Variants in MARCHF1 observed in about 807,000 individuals in gnomAD.
MARCHF1 encodes the protein membrane associated ring-CH-type finger 1.
In MARCHF1, 40 loss-of-function variants were observed where a neutral mutation model predicts 54.2. The observed-to-expected ratio is 0.74, with a 90% CI of 0.57 to 0.96. The LOEUF (loss-of-function observed/expected upper bound fraction) is 0.96. Ranked by LOEUF, MARCHF1 falls within the 40% of genes least tolerant of loss-of-function variation. The pLI is 0.00. For synonymous variants in MARCHF1, 236 were observed against 236.3 expected (o/e 1.00, Z 0.01); for missense variants, 586 against 656.5 (o/e 0.89, Z 1.17).
At chr4:163,593,235 C>A (rs1373781846) in intron 7 of MARCHF1, among the ~76,000 whole-genome samples, 1 of 152,116 alleles carries the variant, frequency 6.6e-6, no homozygotes. Context: ...CATAAATATT[C>A]ATTTTATATC....
chr4:164,371,131 T>C (rs1189085189), intron 1 of MARCHF1, among the ~76,000 whole-genome samples: 1 of 152,056 alleles, frequency 6.6e-6, no homozygotes, highest in African/African-American at 2.4e-5. Flanking sequence ...TATAAATATA[T>C]GGCACCTAGA....
intron 4 of MARCHF1, among the ~76,000 whole-genome samples, chr4:163,752,935 T>A (rs958374674): frequency 3.9e-5 from 6 of 152,140 alleles, no homozygotes; most frequent in Non-Finnish European, 5.9e-5. Context: ...GCAAAATAAA[T>A]TTTCATTGCC....
chr4:164,179,333 A>G (rs1560941648), intron 1 of MARCHF1, among the ~76,000 whole-genome samples: 1 of 152,182 alleles, frequency 6.6e-6, no homozygotes, highest in Admixed American at 6.6e-5. Context: ...ACCATTTGTC[A>G]CTAGCTCTGT....
chr4:163,858,630 T>A (rs1412574810), intron 3 of MARCHF1, among the ~76,000 whole-genome samples: 1 of 152,194 alleles, frequency 6.6e-6, no homozygotes, highest in East Asian at 1.9e-4. Context: ...TAAATAATAA[T>A]AAAGTTCAGT....
At chr4:164,356,116 A>G (rs1730523728) in intron 1 of MARCHF1, among the ~76,000 whole-genome samples, 1 of 129,580 alleles carries the variant, frequency 7.7e-6, no homozygotes, top group East Asian at 2.3e-4. Flanking sequence ...TCAGGAAACA[A>G]CAGGTGCTGG....
rs1752875159 is a variant in MARCHF1, at chr4:163,986,532, T to C, written c.-39+1969A>G. 2.0e-5 allele frequency among the ~76,000 whole-genome samples: 3 copies of C among 152,188 alleles called. No homozygotes were observed. The South Asian group carries it at 6.2e-4, about 32-fold the overall frequency. Reference sequence around the variant, plus strand: ...CGCCCGCCTCGGCCTCCCAAAGTGCTGGGATTACAGGCGTGAGCCACGGCA... The same window carrying C: ...CGCCCGCCTCGGCCTCCCAAAGTGCCGGGATTACAGGCGTGAGCCACGGCA... On this transcript the variant is annotated intron_variant, in intron 3 of 9. Transcript: ENST00000514618.
intron 1 of MARCHF1, among the ~76,000 whole-genome samples, chr4:164,357,993 A>T (rs913712636): frequency 7.2e-5 from 11 of 152,222 alleles, no homozygotes; most frequent in Non-Finnish European, 1.6e-4. Context: ...GGTGAGAAAC[A>T]TAAGAGAAGT....
At chr4:163,812,808 A>G (rs1360709054) in intron 4 of MARCHF1, among the ~76,000 whole-genome samples, 1 of 152,154 alleles carries the variant, frequency 6.6e-6, no homozygotes, top group Non-Finnish European at 1.5e-5. Context: ...AACTTTTGAA[A>G]CCAAATGAGC....
chr4:164,215,824 G>A (rs953284821), intron 1 of MARCHF1, among the ~76,000 whole-genome samples: 1 of 152,118 alleles, frequency 6.6e-6, no homozygotes, highest in Non-Finnish European at 1.5e-5. Flanking sequence ...AGTTGTGAAG[G>A]TGAAATACAC....
At chr4:164,375,090 C>A (rs1320462437) in intron 1 of MARCHF1, among the ~76,000 whole-genome samples, 3 of 152,048 alleles carry the variant, frequency 2.0e-5, no homozygotes, top group Non-Finnish European at 4.4e-5. Flanking sequence ...TTAGCAGAAC[C>A]AAAATCCAAA....
intron 3 of MARCHF1, among the ~76,000 whole-genome samples, chr4:163,982,581 A>C (rs1346181046): frequency 6.6e-6 from 1 of 152,250 alleles, no homozygotes; most frequent in African/African-American, 2.4e-5. Flanking sequence ...AGCTTAAACA[A>C]TAAAGGACAT....
At chr4:163,682,173 A>T (rs1744126229) in intron 5 of MARCHF1, among the ~76,000 whole-genome samples, 1 of 152,170 alleles carries the variant, frequency 6.6e-6, no homozygotes, top group African/African-American at 2.4e-5. Context: ...TGCCCTAGAG[A>T]TAGTGAAACT....
chr4:164,023,065 C>T (rs1437851023), intron 2 of MARCHF1, among the ~76,000 whole-genome samples: 3 of 152,128 alleles, frequency 2.0e-5, no homozygotes, highest in African/African-American at 7.2e-5. Flanking sequence ...AGATCTGTGG[C>T]CAGCACTTGA....
In MARCHF1 at chr4:163,969,858, G is replaced by A. The variant is rs185252658; in HGVS notation, c.-39+18643C>T. On this transcript the variant is annotated intron_variant, in intron 3 of 9. Transcript: ENST00000514618. ...CATAACACATGTTTTGGGGGAAAAC[G>A]TAAGGGGAATGGCAGCAAACACAGT... Among the ~76,000 whole-genome samples the A allele has an allele frequency of 3.9e-5, 6 of 152,300 alleles. No individual in the cohort carries two copies. The East Asian group carries it at 5.8e-4, about 15-fold the overall frequency.
intron 1 of MARCHF1, among the ~76,000 whole-genome samples, chr4:164,205,539 T>C (rs1731583011): frequency 6.6e-6 from 1 of 152,152 alleles, no homozygotes; most frequent in African/African-American, 2.4e-5. Flanking sequence ...AAGAAAGATT[T>C]TAAAGTTTCC....
intron 5 of MARCHF1, among the ~76,000 whole-genome samples, chr4:163,681,694 G>C (rs745523471): frequency 5.3e-5 from 8 of 152,182 alleles, no homozygotes; most frequent in Non-Finnish European, 1.2e-4. Context: ...CACCATGATT[G>C]TAAGTTTCCT....
chr4:163,536,697 G>A (rs1579040078), intron 9 of MARCHF1, among the ~76,000 whole-genome samples: 3 of 152,240 alleles, frequency 2.0e-5, no homozygotes, highest in East Asian at 1.9e-4. Flanking sequence ...GTCCACTCAA[G>A]TTTCACCTCT....
rs764664143 is a variant in MARCHF1, at chr4:163,729,536, C to A, written c.112-28673G>T. Among the ~76,000 whole-genome samples the A allele has an allele frequency of 2.6e-5, 4 of 152,130 alleles. No homozygotes were observed. The South Asian group carries it at 8.3e-4, about 32-fold the overall frequency. On this transcript the variant is annotated intron_variant, in intron 4 of 9. Coordinates refer to ENST00000514618, the MANE Select transcript of MARCHF1 (RefSeq NM_001394959.1). Reference sequence around the variant, plus strand: ...ATTGACTCCACTTATTTAATAGATACAAGCCTACTCAAAGTTTTTTATTTC... The same window carrying A: ...ATTGACTCCACTTATTTAATAGATAAAAGCCTACTCAAAGTTTTTTATTTC...
chr4:164,312,109 T>G (rs770174274), intron 1 of MARCHF1, among the ~76,000 whole-genome samples: 4 of 152,100 alleles, frequency 2.6e-5, no homozygotes, highest in Non-Finnish European at 5.9e-5. Context: ...TACCGCAGAC[T>G]CAGATGAATC....
Sources: allele counts gnomAD v4.1 joint callset (sites outside exome capture counted in the v4.1 genomes callset), GRCh38; gene constraint gnomAD v4.1.1; transcripts MANE v1.5; gene names NCBI Gene and HGNC (gene_info 2026-07-23, HGNC 2026-07-21).